The following ZFPM2 variants were observed in gnomAD, a reference collection of about 807,000 sequenced individuals.
The protein encoded by ZFPM2 is zinc finger protein, FOG family member 2.
A neutral mutation model predicts 98.6 loss-of-function variants in ZFPM2; 20 were observed. The ratio of observed to expected loss-of-function variants is 0.20; its 90% CI spans 0.14 to 0.29. The LOEUF (loss-of-function observed/expected upper bound fraction) is 0.29. Among genes scored for constraint, ZFPM2 ranks in the 10% least tolerant of loss-of-function variants. The pLI is 1.00. For missense variants in ZFPM2, 1,310 were observed against 1,388.6 expected (o/e 0.94, Z 0.90); for synonymous variants, 518 against 502.7 (o/e 1.03, Z -0.41).
chr8:105,389,395 G>A (rs1280169276), intron 1 of ZFPM2, among the ~76,000 whole-genome samples: 1 of 151,008 alleles, frequency 6.6e-6, no homozygotes, highest in Non-Finnish European at 1.5e-5. Context: ...AGGAAAATCA[G>A]AGGGGGAAAT....
At chr8:105,457,419 A>G (rs1025120486) in intron 3 of ZFPM2, among the ~76,000 whole-genome samples, 80 of 152,194 alleles carry the variant, frequency 5.3e-4, no homozygotes. Context: ...AAGAAGAACT[A>G]TGCAGTAGGC....
chr8:105,335,813 A>T (rs1812314736), intron 1 of ZFPM2, among the ~76,000 whole-genome samples: 1 of 151,818 alleles, frequency 6.6e-6, no homozygotes, highest in Non-Finnish European at 1.5e-5. Flanking sequence ...AGGATTATTG[A>T]TGTTACTAGG....
rs1276420817 is a variant in ZFPM2, at chr8:105,746,654, AATTTTTT to A, written c.533-42063_533-42057del. On this transcript the variant is annotated intron_variant, in intron 5 of 7. Transcript: ENST00000407775. ...TGCGTTTTCTTGTTCTGTTTTTAAA[AATTTTTT>A]TTTTTTTTTTTTTTTTGGTGAATTT... 3.8e-4 allele frequency among the ~76,000 whole-genome samples: 43 copies of A among 112,016 alleles called. 1 individual carries two copies. Among genetic ancestry groups the A allele is most frequent in the African/African-American group, 1.1e-3 (35 of 31,250 alleles). 73.5% of individuals were successfully genotyped at this position (112,016 alleles called of 152,430 possible).
chr8:105,416,074 A>C (rs1480413492), intron 1 of ZFPM2, among the ~76,000 whole-genome samples: 1 of 151,968 alleles, frequency 6.6e-6, no homozygotes, highest in African/African-American at 2.4e-5. Context: ...TGTAAAATAA[A>C]ACAACCCTGG....
chr8:105,695,216 T>C (rs1228714703), intron 5 of ZFPM2, among the ~76,000 whole-genome samples: 1 of 152,114 alleles, frequency 6.6e-6, no homozygotes, highest in Non-Finnish European at 1.5e-5. Context: ...TACAATTCCC[T>C]GTAATATATT....
chr8:105,497,367 A>G (rs955938924), intron 3 of ZFPM2, among the ~76,000 whole-genome samples: 4 of 152,316 alleles, frequency 2.6e-5, no homozygotes, highest in Admixed American at 6.5e-5. Flanking sequence ...TTAAAAGCAA[A>G]CAAACAAACA....
Position 105,801,377 on chromosome 8 carries a change from C to T in ZFPM2, c.1295C>T (p.Ala432Val), listed in dbSNP as rs759807384. 4.3e-5 allele frequency: 70 copies of T among 1,613,756 alleles called. No homozygotes were observed. In the South Asian group the frequency reaches 5.2e-4, roughly 12 times the overall value. Residue 432 changes from alanine (A) to valine (V), a missense_variant, in exon 8 of 8, where the codon GCG (alanine) becomes GTG (valine). By Grantham distance (64) the Ala-to-Val change is moderately conservative. Coordinates refer to ENST00000407775, the MANE Select transcript of ZFPM2 (RefSeq NM_012082.4). ...CAAAAGGCCATGCAGACTAAAGATG[C>T]GAGCTCTGACACAGAGCTGGACAAG... Reference protein sequence around the residue: ...QSQKAMQTKDASSDTELDKCE... With the variant: ...QSQKAMQTKDVSSDTELDKCE...
At chr8:105,635,686 A>G (rs1156243587) in intron 5 of ZFPM2, among the ~76,000 whole-genome samples, 1 of 152,208 alleles carries the variant, frequency 6.6e-6, no homozygotes, top group East Asian at 1.9e-4. Context: ...TTCAGAATAC[A>G]AAAGATACCT....
chr8:105,549,715 G>A lies in ZFPM2; in HGVS notation c.302-11648G>A, dbSNP rs547902848. The stretch of plus-strand genomic sequence containing the variant: ...TAGCCTCCAACTCCTGGGCTTAAGC[G>A]ATCCCCCAGTCTCAACTTCCCAAGT... On this transcript the variant is annotated intron_variant, in intron 3 of 7. Transcript: ENST00000407775. Among the ~76,000 whole-genome samples, 20 of 151,018 alleles carry A rather than the reference G, an allele frequency of 1.3e-4. No individual in the cohort carries two copies. The South Asian group carries it at 3.8e-3, about 29-fold the overall frequency.
chr8:105,330,629 TATAC>T (rs61306218), intron 1 of ZFPM2, among the ~76,000 whole-genome samples: 17,565 of 80,316 alleles, frequency 0.22, 1,846 homozygotes, highest in Admixed American at 0.34. Flanking sequence ...TATATATATA[TATAC>T]ATATATATAT....
chr8:105,483,318 G>A (rs1813161448), intron 3 of ZFPM2, among the ~76,000 whole-genome samples: 2 of 152,030 alleles, frequency 1.3e-5, no homozygotes, highest in Non-Finnish European at 2.9e-5. Flanking sequence ...AGCTGGGTGT[G>A]GTGGCTTATG....
At chr8:105,572,168 G>A (rs557654272) in intron 4 of ZFPM2, among the ~76,000 whole-genome samples, 8 of 150,300 alleles carry the variant, frequency 5.3e-5, no homozygotes, top group Non-Finnish European at 8.8e-5. Flanking sequence ...TTCCTGAGTA[G>A]CTGGGACCAC....
At chr8:105,622,587 C>A (rs1816574328) in intron 4 of ZFPM2, among the ~76,000 whole-genome samples, 1 of 152,130 alleles carries the variant, frequency 6.6e-6, no homozygotes, top group South Asian at 2.1e-4. Context: ...TCTTAGCATG[C>A]TCCATTAGTT....
chr8:105,795,807 G>C (rs755984167), intron 6 of ZFPM2: 1 of 489,918 alleles, frequency 2.0e-6, no homozygotes. Context: ...CAAGATCTGT[G>C]TTCTAGCCAT....
At chr8:105,741,252 G>A (rs1423100523) in intron 5 of ZFPM2, among the ~76,000 whole-genome samples, 8 of 152,046 alleles carry the variant, frequency 5.3e-5, no homozygotes, top group Admixed American at 1.3e-4. Context: ...ATTTAGCAGC[G>A]TCTTTGATGA....
intron 2 of ZFPM2, among the ~76,000 whole-genome samples, chr8:105,436,105 G>C (rs1812113772): frequency 6.6e-6 from 1 of 152,176 alleles, no homozygotes; most frequent in African/African-American, 2.4e-5. Flanking sequence ...TAAGTGCTCA[G>C]TAAGCAATGG....
intron 5 of ZFPM2, among the ~76,000 whole-genome samples, chr8:105,708,191 C>T (rs1811304731): frequency 6.6e-6 from 1 of 152,170 alleles, no homozygotes; most frequent in African/African-American, 2.4e-5. Flanking sequence ...AGAGTAAAAC[C>T]TGTGTCATCG....
rs72671669 is a variant in ZFPM2, at chr8:105,383,100, G to T, written c.41-36044G>T. 8.4e-3 allele frequency among the ~76,000 whole-genome samples: 1,273 copies of T among 152,242 alleles called. 11 individuals carry two copies. Among genetic ancestry groups the T allele is most frequent in the Non-Finnish European group, 0.015 (997 of 67,992 alleles). ...AGTCAGGAAAAATATCATGCCTGGGGTTGGGCTTTGCCTGAGCTTTAAAGA... is the reference window on the plus strand; with the variant it reads ...AGTCAGGAAAAATATCATGCCTGGGTTTGGGCTTTGCCTGAGCTTTAAAGA... On this transcript the variant is annotated intron_variant, in intron 1 of 7. Coordinates refer to ENST00000407775, the MANE Select transcript of ZFPM2 (RefSeq NM_012082.4).
chr8:105,593,970 C>T (rs932675215), intron 4 of ZFPM2, among the ~76,000 whole-genome samples: 27 of 152,106 alleles, frequency 1.8e-4, no homozygotes, highest in African/African-American at 6.0e-4. Context: ...TAACAGTGCT[C>T]CTCTGCTGAC....
Sources: allele counts gnomAD v4.1 joint callset (sites outside exome capture counted in the v4.1 genomes callset), GRCh38; gene constraint gnomAD v4.1.1; transcripts MANE v1.5; gene names NCBI Gene and HGNC (gene_info 2026-07-23, HGNC 2026-07-21).